SLC30A8: variants seen among roughly 807,000 people sequenced by gnomAD.
SLC30A8 encodes proton-coupled zinc antiporter SLC30A8.
Under a neutral mutation model 36.9 loss-of-function variants are expected in SLC30A8, and 27 were observed. The ratio of observed to expected loss-of-function variants is 0.73; its 90% CI spans 0.54 to 1.01. SLC30A8 has a LOEUF of 1.01. Among genes scored for constraint, SLC30A8 ranks in the 50% least tolerant of loss-of-function variants. The pLI, the probability that SLC30A8 is intolerant of heterozygous loss-of-function variation, is 0.00. For synonymous variants in SLC30A8, 164 were observed against 172.4 expected, an observed-to-expected ratio of 0.95 and a Z score of 0.38; for missense variants, 439 against 452.0, an observed-to-expected ratio of 0.97 and a Z score of 0.26.
intron 2 of SLC30A8, among the ~76,000 whole-genome samples, chr8:117,089,143 T>C (rs936071536): frequency 6.6e-6 from 1 of 152,238 alleles, no homozygotes; most frequent in African/African-American, 2.4e-5. Context: ...ACTGTATTTG[T>C]GTTGGTATTC....
At chr8:116,992,974 AG>A (rs75010883) in intron 1 of SLC30A8, among the ~76,000 whole-genome samples, 3 of 126,570 alleles carry the variant, frequency 2.4e-5, no homozygotes, top group Non-Finnish European at 5.6e-5. Context: ...CGAGTAAAGA[AG>A]ATATAGAGAT....
At chr8:117,089,871 C>T (rs1374849002) in intron 2 of SLC30A8, among the ~76,000 whole-genome samples, 4 of 152,208 alleles carry the variant, frequency 2.6e-5, no homozygotes, top group Admixed American at 1.3e-4. Context: ...ACCCTACAGT[C>T]TGGCCACACT....
intron 1 of SLC30A8, among the ~76,000 whole-genome samples, chr8:116,982,643 G>A (rs1815310428): frequency 6.6e-6 from 1 of 152,132 alleles, no homozygotes; most frequent in African/African-American, 2.4e-5. Flanking sequence ...ATTCCAGTCA[G>A]AATCAATTTT....
intron 1 of SLC30A8, among the ~76,000 whole-genome samples, chr8:116,952,182 A>T (rs1814016430): frequency 6.6e-6 from 1 of 152,174 alleles, no homozygotes; most frequent in African/African-American, 2.4e-5. Context: ...GGTGCTTAGA[A>T]GAAAGAATGA....
chr8:117,049,901 A>G lies in SLC30A8; in HGVS notation c.-226+10643A>G, dbSNP rs372170505. Among the ~76,000 whole-genome samples, 9 of 152,192 alleles carry G rather than the reference A, an allele frequency of 5.9e-5. No individual in the cohort carries two copies. In the East Asian group the frequency reaches 1.3e-3, roughly 23 times the overall value. On this transcript the variant is annotated intron_variant, in intron 2 of 10. Transcript: ENST00000427715. ...GCTGCCTCTCTCACTCTGAAAAACAATCTTCCTGATATATAGGGATGCCTC... is the reference window on the plus strand; with the variant it reads ...GCTGCCTCTCTCACTCTGAAAAACAGTCTTCCTGATATATAGGGATGCCTC...
intron 1 of SLC30A8, among the ~76,000 whole-genome samples, chr8:117,033,195 G>A (rs114546066): frequency 0.013 from 2,021 of 152,302 alleles, 48 homozygotes; most frequent in African/African-American, 0.046. Flanking sequence ...ACATACACAA[G>A]CATGTTCATA....
chr8:117,101,913 A>G (rs1449672494), intron 2 of SLC30A8, among the ~76,000 whole-genome samples: 1 of 152,156 alleles, frequency 6.6e-6, no homozygotes, highest in Non-Finnish European at 1.5e-5. Flanking sequence ...GTGAGTCAAT[A>G]TGCCTTAATA....
At chr8:117,078,952 T>G (rs1012710577) in intron 2 of SLC30A8, among the ~76,000 whole-genome samples, 7 of 151,986 alleles carry the variant, frequency 4.6e-5, no homozygotes, top group African/African-American at 2.4e-5. Context: ...CCTCCCAAAG[T>G]GTTGGGATTA....
chr8:117,034,092 GAT>G (rs1392569000), intron 1 of SLC30A8, among the ~76,000 whole-genome samples: 1 of 152,164 alleles, frequency 6.6e-6, no homozygotes, highest in African/African-American at 2.4e-5. Flanking sequence ...GAAATAAAAA[GAT>G]AGGAGGAGAA....
intron 2 of SLC30A8, among the ~76,000 whole-genome samples, chr8:117,126,502 G>A (rs1044737361): frequency 6.6e-6 from 1 of 151,832 alleles, no homozygotes; most frequent in African/African-American, 2.4e-5. Flanking sequence ...CACTCACTAT[G>A]TAATGGCTTT....
At chr8:117,171,750 T>C (rs1414147461) in intron 7 of SLC30A8, among the ~76,000 whole-genome samples, 2 of 152,164 alleles carry the variant, frequency 1.3e-5, no homozygotes, top group Non-Finnish European at 2.9e-5. Context: ...GTCTCTGATA[T>C]GTCCTAGAGC....
chr8:117,075,998 T>A (rs1818476195), intron 2 of SLC30A8, among the ~76,000 whole-genome samples: 1 of 152,198 alleles, frequency 6.6e-6, no homozygotes, highest in African/African-American at 2.4e-5. Flanking sequence ...CTCATTACTT[T>A]CTCTTGCCCT....
intron 2 of SLC30A8, among the ~76,000 whole-genome samples, chr8:117,147,986 A>G (rs1332361348): frequency 2.0e-5 from 3 of 151,936 alleles, no homozygotes; most frequent in Non-Finnish European, 4.4e-5. Flanking sequence ...AGTTCTCTAT[A>G]TTGATCTCTG....
intron 1 of SLC30A8, among the ~76,000 whole-genome samples, chr8:117,136,505 GT>G (rs1442241138): frequency 1.3e-5 from 2 of 151,972 alleles, no homozygotes; most frequent in Admixed American, 6.6e-5. Context: ...GTGATACTAT[GT>G]TTGGGAGCAT....
chr8:117,051,430 G>C (rs531783034), intron 2 of SLC30A8, among the ~76,000 whole-genome samples: 186 of 152,344 alleles, frequency 1.2e-3, no homozygotes, highest in African/African-American at 3.9e-3. Flanking sequence ...CTTGGGTCAA[G>C]GGGGCAGATC....
intron 1 of SLC30A8, among the ~76,000 whole-genome samples, chr8:117,015,976 A>G (rs1816504902): frequency 6.6e-6 from 1 of 152,108 alleles, no homozygotes; most frequent in African/African-American, 2.4e-5. Flanking sequence ...ATGGTTTGGG[A>G]GAAGGGGAAG....
intron 1 of SLC30A8, among the ~76,000 whole-genome samples, chr8:117,014,014 A>G (rs1290478003): frequency 1.3e-5 from 2 of 152,140 alleles, no homozygotes; most frequent in Non-Finnish European, 2.9e-5. Flanking sequence ...CAGACTATCA[A>G]TATGTTTTCA....
At chr8:117,026,162 G>C (rs1473471946) in intron 1 of SLC30A8, among the ~76,000 whole-genome samples, 1 of 152,244 alleles carries the variant, frequency 6.6e-6, no homozygotes, top group South Asian at 2.1e-4. Context: ...TGACTTTGGT[G>C]TGCTTCAGTT....
At chr8:117,113,551 G>A (rs189041877) in intron 2 of SLC30A8, among the ~76,000 whole-genome samples, 31 of 152,214 alleles carry the variant, frequency 2.0e-4, no homozygotes, top group Non-Finnish European at 4.1e-4. Context: ...CATTGCCCAG[G>A]AACTGGAATT....
Sources: gnomAD v4.1 joint callset for allele counts (sites outside exome capture counted in the v4.1 genomes callset) on GRCh38, gnomAD v4.1.1 for gene constraint, MANE v1.5 for transcripts, NCBI Gene and HGNC (gene_info 2026-07-23, HGNC 2026-07-21) for gene names.